ADGRB3: variants seen among roughly 807,000 people sequenced by gnomAD.
The protein encoded by ADGRB3 is brain-specific angiogenesis inhibitor 3.
A neutral mutation model predicts 193.4 loss-of-function variants in ADGRB3; 37 were observed. That is an observed-to-expected ratio of 0.19 (90% CI 0.15 to 0.25). The LOEUF is 0.25. Ranked by LOEUF, ADGRB3 falls within the 10% of genes least tolerant of loss-of-function variation. ADGRB3 has a pLI of 1.00. For synonymous variants in ADGRB3, 690 were observed against 644.2 expected (o/e 1.07, Z -1.08); for missense variants, 1,637 against 1,852.9 (o/e 0.88, Z 2.14).
At chr6:68,666,701 C>G (rs1322935062) in intron 3 of ADGRB3, among the ~76,000 whole-genome samples, 5 of 151,736 alleles carry the variant, frequency 3.3e-5, no homozygotes, top group Admixed American at 3.3e-4. Flanking sequence ...TTGTCATTAA[C>G]TATTTTTATT....
intron 22 of ADGRB3, among the ~76,000 whole-genome samples, chr6:69,330,108 A>T (rs1273924506): frequency 6.6e-6 from 1 of 151,156 alleles, no homozygotes; most frequent in Non-Finnish European, 1.5e-5. Context: ...CTAAAACTCT[A>T]AAAAAAAATA....
intron 5 of ADGRB3, among the ~76,000 whole-genome samples, chr6:68,939,295 C>T (rs1238343793): frequency 6.6e-6 from 1 of 152,090 alleles, no homozygotes; most frequent in Non-Finnish European, 1.5e-5. Flanking sequence ...TGACCTTGAG[C>T]AGTAGAATAT....
At chr6:69,203,354 G>T (rs751822232) in intron 17 of ADGRB3, among the ~76,000 whole-genome samples, 9 of 152,066 alleles carry the variant, frequency 5.9e-5, no homozygotes, top group Non-Finnish European at 7.4e-5. Flanking sequence ...CCAGGATTGA[G>T]TGGTGACCTT....
Position 69,246,638 on chromosome 6 carries a change from A to G in ADGRB3, c.2814+7412A>G, listed in dbSNP as rs566845274. ...TTGTGTGGTAAAAGCCAGAGACCAC[A>G]TTATTGTAAATAGGGCAAAGATCAA... is the stretch of plus-strand genomic sequence containing the variant. On this transcript the variant is annotated intron_variant, in intron 20 of 31. Transcript: ENST00000370598. Among the ~76,000 whole-genome samples the G allele has an allele frequency of 3.5e-4, 53 of 152,328 alleles. 1 individual carries two copies. The highest frequency in any genetic ancestry group is 1.3e-3 in the African/African-American group (53 of 41,576).
At chr6:68,816,173 A>G (rs1168880259) in intron 3 of ADGRB3, among the ~76,000 whole-genome samples, 2 of 152,082 alleles carry the variant, frequency 1.3e-5, no homozygotes, top group African/African-American at 4.8e-5. Flanking sequence ...AATTACGTTT[A>G]CTTTGAATAA....
At chr6:68,993,173 T>A (rs1463920261) in intron 10 of ADGRB3, among the ~76,000 whole-genome samples, 1 of 142,416 alleles carries the variant, frequency 7.0e-6, no homozygotes, top group Non-Finnish European at 1.5e-5. Context: ...CAGCAGAGAG[T>A]TTTCAATTGT....
chr6:69,167,743 C>A (rs1582513716), intron 17 of ADGRB3, among the ~76,000 whole-genome samples: 1 of 152,160 alleles, frequency 6.6e-6, no homozygotes, highest in East Asian at 1.9e-4. Context: ...CTCCTGCCCT[C>A]CCACAAGGTG....
intron 20 of ADGRB3, among the ~76,000 whole-genome samples, chr6:69,285,258 C>T (rs1767523098): frequency 6.6e-6 from 1 of 152,198 alleles, no homozygotes; most frequent in African/African-American, 2.4e-5. Flanking sequence ...GATGCTGCCT[C>T]TTGATAAGTT....
At chr6:69,248,638 T>A (rs1159002548) in intron 20 of ADGRB3, among the ~76,000 whole-genome samples, 1 of 152,250 alleles carries the variant, frequency 6.6e-6, no homozygotes, top group South Asian at 2.1e-4. Context: ...GTAGGACATA[T>A]GCTGTCTGTT....
chr6:69,081,785 A>T (rs1772393472), intron 17 of ADGRB3, among the ~76,000 whole-genome samples: 2 of 152,128 alleles, frequency 1.3e-5, no homozygotes, highest in Admixed American at 6.6e-5. Flanking sequence ...TTGTTAGCAC[A>T]TAAGCAATTC....
intron 3 of ADGRB3, among the ~76,000 whole-genome samples, chr6:68,768,931 GA>G (rs1189612171): frequency 1.3e-5 from 2 of 151,266 alleles, no homozygotes; most frequent in African/African-American, 2.4e-5. Context: ...ACAAACATAC[GA>G]AAAAAAAGCT....
In ADGRB3 at chr6:68,799,631, C is replaced by G. The variant is rs540643945; in HGVS notation, c.758-130928C>G. Among the ~76,000 whole-genome samples, 196 of 151,992 alleles carry G rather than the reference C, an allele frequency of 1.3e-3. 1 individual carries two copies. The highest frequency in any genetic ancestry group is 4.6e-3 in the African/African-American group (191 of 41,456). On this transcript the variant is annotated intron_variant, in intron 3 of 31. Transcript: ENST00000370598. ...ATAAAGGAAATCAGATCAGATATAA[C>G]AAGAACATATAATCTTAGGTGGTGT...
chr6:69,129,489 AC>A (rs1459123930), intron 17 of ADGRB3, among the ~76,000 whole-genome samples: 1 of 152,132 alleles, frequency 6.6e-6, no homozygotes, highest in Non-Finnish European at 1.5e-5. Context: ...GCTTAAAAAA[AC>A]ATAAGAACAT....
chr6:69,201,095 T>C (rs1046628892), intron 17 of ADGRB3, among the ~76,000 whole-genome samples: 1 of 152,106 alleles, frequency 6.6e-6, no homozygotes, highest in African/African-American at 2.4e-5. Flanking sequence ...CATCCTTTAC[T>C]TTCCCTGGTT....
chr6:68,770,811 A>T (rs1766603044), intron 3 of ADGRB3, among the ~76,000 whole-genome samples: 1 of 152,154 alleles, frequency 6.6e-6, no homozygotes, highest in East Asian at 1.9e-4. Flanking sequence ...TAGTGGCTTC[A>T]TGAGGAGAAT....
intron 3 of ADGRB3, among the ~76,000 whole-genome samples, chr6:68,774,484 AC>A (rs1027896920): frequency 1.3e-5 from 2 of 151,476 alleles, no homozygotes; most frequent in African/African-American, 4.9e-5. Flanking sequence ...AGCTTTAATA[AC>A]CCCCAAATGA....
At position 69,076,015 on chromosome 6, in the gene ADGRB3, T is replaced by C. The variant is rs1347424926; in HGVS notation, c.2457T>C (p.Cys819=). The change falls in exon 17 of 32, where the codon TGT becomes TGC. Residue 819 remains cysteine, a synonymous_variant. Coordinates refer to ENST00000370598, the MANE Select transcript of ADGRB3 (RefSeq NM_001704.3). ...TTTAGGGTACTTTGAATCCCTATTG[T>C]GTATTGTGGGATGACTCCAAAACGT... ...HLANGTLNPY[C]VLWDDSKTNE... 1.2e-6 allele frequency: 2 copies of C among 1,612,846 alleles called. No homozygotes were observed. The highest frequency in any genetic ancestry group is 1.7e-6 in the Non-Finnish European group (2 of 1,179,192).
rs183180202 is a variant in ADGRB3, at chr6:69,366,607, C to T, written c.4239+5095C>T. On this transcript the variant is annotated intron_variant, in intron 29 of 31. Coordinates refer to ENST00000370598, the MANE Select transcript of ADGRB3 (RefSeq NM_001704.3). ...GTACATTTTCTCACTTTTAAATCAT[C>T]GTAAAGAATTTCTCCTTTCTATTAG... 1.9e-3 allele frequency among the ~76,000 whole-genome samples: 290 copies of T among 152,164 alleles called. 1 individual carries two copies. Among genetic ancestry groups the T allele is most frequent in the African/African-American group, 6.6e-3 (276 of 41,540 alleles).
intron 3 of ADGRB3, among the ~76,000 whole-genome samples, chr6:68,880,523 A>G (rs1242589572): frequency 2.0e-5 from 3 of 152,120 alleles, no homozygotes; most frequent in Non-Finnish European, 4.4e-5. Flanking sequence ...CCATCTAGCA[A>G]CACTCCTATT....
Sources: gnomAD v4.1 joint callset for allele counts (sites outside exome capture counted in the v4.1 genomes callset) on GRCh38, gnomAD v4.1.1 for gene constraint, MANE v1.5 for transcripts, NCBI Gene and HGNC (gene_info 2026-07-23, HGNC 2026-07-21) for gene names.